Variants in SMCHD1 observed in about 807,000 individuals in gnomAD.
SMCHD1 encodes the protein structural maintenance of chromosomes flexible hinge domain containing 1.
SMCHD1 carries 78 observed loss-of-function variants against 254.7 expected under a neutral mutation model. That is an observed-to-expected ratio of 0.31 (90% CI 0.26 to 0.37). SMCHD1 has a LOEUF of 0.37. SMCHD1 is among the 10% of genes least tolerant of loss of function. SMCHD1 has a pLI of 1.00. For missense variants in SMCHD1, 1,840 were observed against 2,408.1 expected (o/e 0.76, Z 4.94); for synonymous variants, 766 against 794.9 (o/e 0.96, Z 0.61).
chr18:2,752,835 T>C (rs796625355), intron 34 of SMCHD1: 9 of 267,222 alleles, frequency 3.4e-5, no homozygotes, highest in African/African-American at 1.8e-4. Flanking sequence ...CTTCTTATTA[T>C]ATAGGAGGTT....
At chr18:2,756,525 T>C (rs916048593) in intron 34 of SMCHD1, among the ~76,000 whole-genome samples, 2 of 152,214 alleles carry the variant, frequency 1.3e-5, no homozygotes, top group Non-Finnish European at 2.9e-5. Flanking sequence ...ATTCAGTTTG[T>C]TCAAATTCAG....
intron 47 of SMCHD1, among the ~76,000 whole-genome samples, chr18:2,801,899 T>C (rs1415748103): frequency 6.6e-6 from 1 of 152,158 alleles, no homozygotes; most frequent in Non-Finnish European, 1.5e-5. Context: ...CAATATATGA[T>C]ACTATGCAGT....
intron 45 of SMCHD1, among the ~76,000 whole-genome samples, chr18:2,795,158 A>G (rs577518069): frequency 6.6e-6 from 1 of 152,010 alleles, no homozygotes; most frequent in South Asian, 2.1e-4. Flanking sequence ...GGTTCACGCC[A>G]TTCTCCTGCC....
Position 2,753,087 on chromosome 18 carries a change from G to A in SMCHD1, c.4346+535G>A, listed in dbSNP as rs115058130. On this transcript the variant is annotated intron_variant, in intron 34 of 47. Transcript: ENST00000320876. ...TCCAGTTATTACCGTCTTCCTTCCT[G>A]TTGTGCATGCCATGCACACACTCAT... The A allele has an allele frequency of 4.2e-3, 670 of 158,914 alleles. 5 individuals are homozygous for A. The highest frequency in any genetic ancestry group is 0.016 in the African/African-American group (652 of 41,572). 9.8% of individuals were successfully genotyped at this position (158,914 alleles called of 1,614,324 possible).
At chr18:2,782,763 A>AACAAAAAC (rs1568380213) in intron 44 of SMCHD1, among the ~76,000 whole-genome samples, 1 of 150,600 alleles carries the variant, frequency 6.6e-6, no homozygotes, top group African/African-American at 2.5e-5. Context: ...AAAAAAAAAA[A>AACAAAAAC]AAAAAAAAAG....
rs1434514570 is a variant in SMCHD1 at position 2,718,278 on chromosome 18, GT to G, written c.2339-35del. ...ATGTTAAAAAATACATTGGTATTGT[GT>G]TGACTTGATTTTTAATTTCTTCTTA... On this transcript the variant is annotated intron_variant, in intron 18 of 47. Transcript: ENST00000320876. This position sits in a 1 kb window ranked among gnomAD's most constrained non-coding sequence, Gnocchi z 4.6. 2.7e-5 allele frequency: 43 copies of G among 1,608,956 alleles called. No individual in the cohort carries two copies. The highest frequency in any genetic ancestry group is 3.6e-5 in the Non-Finnish European group (42 of 1,177,478).
intron 8 of SMCHD1, 65 bp downstream of exon 8, chr18:2,694,758 A>T (rs2074251641): frequency 2.9e-6 from 4 of 1,380,226 alleles, no homozygotes; most frequent in Non-Finnish European, 4.1e-6. Context: ...AAAACATTAC[A>T]GATATATTGA....
At position 2,697,839 on chromosome 18, in the gene SMCHD1, G is replaced by A; in HGVS notation, c.1140G>A (p.Met380Ile). 7.5e-6 allele frequency: 12 copies of A among 1,603,098 alleles called. No individual in the cohort carries two copies. The highest frequency in any genetic ancestry group is 1.0e-5 in the Non-Finnish European group (12 of 1,172,102). ...TTTCCTTTTTATTTTAGATTTCTATGTTTGAAAAAGGGAAGGTACCTAAGA... is the reference window on the plus strand; with the variant it reads ...TTTCCTTTTTATTTTAGATTTCTATATTTGAAAAAGGGAAGGTACCTAAGA... The part of the protein sequence containing the change: ...PFNNIDIEIS[M>I]FEKGKVPKIV... Residue 380 changes from methionine (M) to isoleucine (I), a missense_variant, in exon 10 of 48, where the codon ATG (methionine) becomes ATA (isoleucine). Transcript: ENST00000320876.
intron 10 of SMCHD1, 89 bp downstream of exon 10, chr18:2,698,130 TTCAGGTTAGA>T (rs2074322619): frequency 2.1e-6 from 2 of 944,446 alleles, no homozygotes; most frequent in Non-Finnish European, 3.1e-6. Flanking sequence ...GGTTGGGTTA[TTCAGGTTAGA>T]TAAATATTAA....
intron 42 of SMCHD1, among the ~76,000 whole-genome samples, chr18:2,777,068 C>CCT (rs1555653833): frequency 6.7e-6 from 1 of 148,282 alleles, no homozygotes; most frequent in Non-Finnish European, 1.5e-5. Context: ...CACCTCCCCC[C>CCT]CCCATACCCT....
rs80127732 is a variant in SMCHD1, at chr18:2,708,179, G to C, written c.2260+259G>C. Among the ~76,000 whole-genome samples, 942 of 152,144 alleles carry C rather than the reference G, an allele frequency of 6.2e-3. 10 individuals carry two copies. The highest frequency in any genetic ancestry group is 0.022 in the African/African-American group (894 of 41,512). ...AAAGGCATGATACATATATGTAGAA[G>C]AATTTGCAGTAGGAATTTCTATAAG... On this transcript the variant is annotated intron_variant, in intron 17 of 47. Transcript: ENST00000320876.
Position 2,662,176 on chromosome 18 carries a change from A to T in SMCHD1, c.187-3981A>T, listed in dbSNP as rs201054990. ...GCGAGACTCCGTCTCAAAAAAAAAA[A>T]AATAAAATAAATAAATAAATAAATA... On this transcript the variant is annotated intron_variant, in intron 1 of 47. Transcript: ENST00000320876. 1.2e-4 allele frequency among the ~76,000 whole-genome samples: 10 copies of T among 84,608 alleles called. 1 individual carries two copies. Among genetic ancestry groups the T allele is most frequent in the Non-Finnish European group, 1.7e-4 (8 of 47,016 alleles). The allele number at this position is 84,608 out of a possible 152,430, so 55.5% of individuals were successfully genotyped here. A position where few individuals can be genotyped will look rare whatever the true frequency, so the allele number is the denominator to read the frequency against.
intron 33 of SMCHD1, among the ~76,000 whole-genome samples, chr18:2,751,919 T>C (rs989183071): frequency 1.3e-5 from 2 of 152,146 alleles, no homozygotes; most frequent in Non-Finnish European, 2.9e-5. Flanking sequence ...AGTTTAAAAA[T>C]TATTGCTAGG....
intron 28 of SMCHD1, among the ~76,000 whole-genome samples, chr18:2,743,137 A>G (rs1383608971): frequency 6.6e-6 from 1 of 152,224 alleles, no homozygotes; most frequent in Non-Finnish European, 1.5e-5. Flanking sequence ...GGAATCATTC[A>G]GTCATATTGC....
chr18:2,734,670 A>G (rs577631679), intron 25 of SMCHD1, among the ~76,000 whole-genome samples: 1 of 150,492 alleles, frequency 6.6e-6, no homozygotes, highest in Non-Finnish European at 1.5e-5. Context: ...TTTTAATACA[A>G]TAAAGAACAG....
intron 17 of SMCHD1, 42 bp downstream of exon 17, chr18:2,707,962 AAATAT>A: frequency 8.6e-7 from 1 of 1,168,836 alleles, no homozygotes; most frequent in Non-Finnish European, 1.2e-6. Context: ...ATTGTTTTTA[AAATAT>A]AATATCAAAT....
intron 29 of SMCHD1, among the ~76,000 whole-genome samples, chr18:2,744,684 A>C (rs978094185): frequency 6.6e-6 from 1 of 152,228 alleles, no homozygotes; most frequent in African/African-American, 2.4e-5. Context: ...ATATACTATT[A>C]ACTGTAGTCA....
At chr18:2,755,421 A>G (rs1033962256) in intron 34 of SMCHD1, among the ~76,000 whole-genome samples, 2 of 151,976 alleles carry the variant, frequency 1.3e-5, no homozygotes, top group African/African-American at 2.4e-5. Context: ...TCAGCCTCCC[A>G]AAGTGCTGGG....
chr18:2,750,553 T>C, intron 32 of SMCHD1, 46 bp downstream of exon 32: 1 of 1,490,342 alleles, frequency 6.7e-7, no homozygotes, highest in Non-Finnish European at 9.1e-7. Flanking sequence ...ATAATTTGCT[T>C]TGTACATTAG....
Sources: allele counts gnomAD v4.1 joint callset (sites outside exome capture counted in the v4.1 genomes callset), GRCh38; gene constraint gnomAD v4.1.1; non-coding constraint Gnocchi (gnomAD v3.1); transcripts MANE v1.5; gene names NCBI Gene and HGNC (gene_info 2026-07-23, HGNC 2026-07-21).